The following RFFL variants were observed in gnomAD, a reference collection of about 807,000 sequenced individuals.
RFFL encodes E3 ubiquitin-protein ligase rififylin.
A neutral mutation model predicts 40.4 loss-of-function variants in RFFL; 16 were observed. That is an observed-to-expected ratio of 0.40 (90% CI 0.27 to 0.60). The LOEUF (loss-of-function observed/expected upper bound fraction) is 0.60, where lower values mean the gene tolerates loss of function less well. Among genes scored for constraint, RFFL ranks in the 20% least tolerant of loss-of-function variants. The pLI, the probability that RFFL is intolerant of heterozygous loss-of-function variation, is 0.47. For synonymous variants in RFFL, 154 were observed against 167.9 expected (o/e 0.92, Z 0.64); for missense variants, 367 against 451.7 (o/e 0.81, Z 1.70).
chr17:35,013,103 T>C (rs2090951137), intron 6 of RFFL, among the ~76,000 whole-genome samples: 1 of 152,226 alleles, frequency 6.6e-6, no homozygotes, highest in Non-Finnish European at 1.5e-5. Context: ...AACTATAAAG[T>C]AGGACCTCTT....
chr17:35,018,989 T>C (rs2090991550), intron 3 of RFFL: 2 of 152,242 alleles, frequency 1.3e-5, no homozygotes, highest in Non-Finnish European at 1.5e-5. Context: ...AATCCAAAAC[T>C]AGTACCTGTC....
At chr17:35,075,776 T>C (rs931239665) in intron 1 of RFFL, among the ~76,000 whole-genome samples, 12 of 152,098 alleles carry the variant, frequency 7.9e-5, no homozygotes, top group Non-Finnish European at 1.8e-4. Context: ...TCGTAGACTA[T>C]TCACAAAAGG....
chr17:35,043,559 TC>T (rs1261537346), intron 1 of RFFL, among the ~76,000 whole-genome samples: 2 of 152,130 alleles, frequency 1.3e-5, no homozygotes, highest in Non-Finnish European at 2.9e-5. Context: ...TCTCCTCCAG[TC>T]CCCAAGTTAT....
At chr17:35,038,904 A>G (rs1259778444) in intron 1 of RFFL, among the ~76,000 whole-genome samples, 3 of 152,146 alleles carry the variant, frequency 2.0e-5, no homozygotes, top group Non-Finnish European at 4.4e-5. Flanking sequence ...AAAAGTTTAT[A>G]TGAGTGTTGT....
intron 1 of RFFL, among the ~76,000 whole-genome samples, chr17:35,061,717 G>C (rs2091292457): frequency 2.8e-5 from 4 of 141,626 alleles, no homozygotes; most frequent in Non-Finnish European, 4.5e-5. Context: ...GAGTCTCACT[G>C]TTGCTCAGGC....
chr17:35,065,830 G>A (rs1218946111), upstream of RFFL, among the ~76,000 whole-genome samples: 1 of 152,186 alleles, frequency 6.6e-6, no homozygotes, highest in African/African-American at 2.4e-5. Context: ...TTACATTTTA[G>A]AGCTTAAAAA....
At chr17:35,037,739 G>C (rs759495893) in intron 1 of RFFL, among the ~76,000 whole-genome samples, 10 of 152,264 alleles carry the variant, frequency 6.6e-5, no homozygotes, top group Non-Finnish European at 1.5e-4. Context: ...ACCCTGAAGC[G>C]TACCCTCTTG....
At chr17:35,046,430 C>T (rs950407898) in intron 1 of RFFL, among the ~76,000 whole-genome samples, 3 of 152,140 alleles carry the variant, frequency 2.0e-5, no homozygotes, top group African/African-American at 7.2e-5. Context: ...CAGACACACC[C>T]AGGTCTGGGT....
In RFFL at chr17:35,017,329, C is replaced by G. The variant is rs984427033; in HGVS notation, c.675+194G>C. 3.3e-5 allele frequency among the ~76,000 whole-genome samples: 5 copies of G among 152,232 alleles called. No homozygotes were observed. The South Asian group carries it at 1.0e-3, about 32-fold the overall frequency. ...CTTCTCCGTCTCCACTGTGACCTCACAACTCCTTATAAATACACTGACCGC... is the reference window on the plus strand; with the variant it reads ...CTTCTCCGTCTCCACTGTGACCTCAGAACTCCTTATAAATACACTGACCGC... On this transcript the variant is annotated intron_variant, in intron 4 of 6. Coordinates refer to ENST00000394597, the MANE Select transcript of RFFL (RefSeq NM_001017368.2).
chr17:35,006,814 GC>G lies in RFFL; in HGVS notation c.*5153del, dbSNP rs3833128. 2,185 of 145,424 alleles carry G rather than the reference GC, an allele frequency of 0.015. 47 individuals are homozygous for G. Among genetic ancestry groups the G allele is most frequent in the African/African-American group, 0.05 (2,001 of 39,698 alleles). 9.0% of individuals were successfully genotyped at this position (145,424 alleles called of 1,614,324 possible). ...CACTGCGCCCCCTGGCCACCCCACC[GC>G]CCCCCCCCAACTTTGATCTGATTGA... On this transcript the variant is annotated 3_prime_UTR_variant, in exon 7 of 7. Coordinates refer to ENST00000394597, the MANE Select transcript of RFFL (RefSeq NM_001017368.2).
intron 1 of RFFL, among the ~76,000 whole-genome samples, chr17:35,039,235 T>G (rs2091146583): frequency 6.6e-6 from 1 of 152,018 alleles, no homozygotes; most frequent in Non-Finnish European, 1.5e-5. Flanking sequence ...CTTTTCTTTT[T>G]TTTGAGACGC....
intron 5 of RFFL, among the ~76,000 whole-genome samples, chr17:35,014,977 A>AT (rs2090964961): frequency 6.6e-6 from 1 of 151,848 alleles, no homozygotes; most frequent in African/African-American, 2.4e-5. Flanking sequence ...TTTATTTTTT[A>AT]TTTTTTTGAG....
upstream of RFFL, among the ~76,000 whole-genome samples, chr17:35,068,218 C>G (rs1043196052): frequency 2.6e-5 from 4 of 152,122 alleles, no homozygotes; most frequent in Non-Finnish European, 1.5e-5. Context: ...CCAATTTTGC[C>G]CAGAAATTCA....
intron 1 of RFFL, among the ~76,000 whole-genome samples, chr17:35,075,994 T>A (rs1039604754): frequency 7.1e-6 from 1 of 140,710 alleles, no homozygotes; most frequent in African/African-American, 2.7e-5. Flanking sequence ...TTCTTTTTTT[T>A]TTTTTTTTTT....
intron 1 of RFFL, among the ~76,000 whole-genome samples, chr17:35,033,636 A>C (rs185993657): frequency 3.1e-4 from 47 of 152,138 alleles, no homozygotes; most frequent in Admixed American, 1.5e-3. Flanking sequence ...TTCACCAGAC[A>C]GTGGGGCAGA....
Position 35,073,641 on chromosome 17 carries a change from GGTATA to G in RFFL, c.-9+15459_-9+15463del, listed in dbSNP as rs1597842493. Among the ~76,000 whole-genome samples the G allele has an allele frequency of 1.1e-4, 17 of 152,208 alleles. No individual in the cohort carries two copies. In the East Asian group the frequency reaches 3.3e-3, roughly 29 times the overall value. On this transcript the variant is annotated intron_variant, in intron 1 of 6. Transcript: ENST00000315249. ...CTGACTCAGGCTTCTTACTGAAAAT[GGTATA>G]TCACCATTTACTCCACTAACATCAC... is the stretch of plus-strand genomic sequence containing the variant.
rs564927278 is a variant in RFFL, at chr17:35,045,641, G to A, written c.-9+17935C>T. Among the ~76,000 whole-genome samples the A allele has an allele frequency of 7.3e-4, 111 of 152,200 alleles. No individual in the cohort carries two copies. In the South Asian group the frequency reaches 0.015, roughly 20 times the overall value. On this transcript the variant is annotated intron_variant, in intron 1 of 6. Transcript: ENST00000394597. ...AGCTTTATTCTCAGCCTTAATGCCA[G>A]GTAATCAACACATATTTGTTGAATT...
rs2090923500 is a variant in RFFL, at chr17:35,009,691, T to A, written c.*2277A>T. On this transcript the variant is annotated 3_prime_UTR_variant, in exon 7 of 7. Coordinates refer to ENST00000394597, the MANE Select transcript of RFFL (RefSeq NM_001017368.2). ...AGGCAAAATGAGTAAACAACCTCAGTTTTAATTCTTACTGAGGTTACTAAC... is the reference window on the plus strand; with the variant it reads ...AGGCAAAATGAGTAAACAACCTCAGATTTAATTCTTACTGAGGTTACTAAC... The A allele has an allele frequency of 2.6e-5, 4 of 152,098 alleles. No individual in the cohort carries two copies. The highest frequency in any genetic ancestry group is 2.0e-4 in the Admixed American group (3 of 15,272). 9.4% of individuals were successfully genotyped at this position (152,098 alleles called of 1,614,324 possible).
At chr17:35,069,599 C>A (rs943362684) in intron 1 of RFFL, 2 of 265,928 alleles carry the variant, frequency 7.5e-6, no homozygotes, top group African/African-American at 4.5e-5. Flanking sequence ...GACAAATACC[C>A]AAAGGACTGT....
Sources: gnomAD v4.1 joint callset for allele counts (sites outside exome capture counted in the v4.1 genomes callset) on GRCh38, gnomAD v4.1.1 for gene constraint, MANE v1.5 for transcripts, NCBI Gene and HGNC (gene_info 2026-07-23, HGNC 2026-07-21) for gene names.